Variants in FER observed in about 807,000 individuals in gnomAD.
FER encodes the protein FER tyrosine kinase.
In FER, 63 loss-of-function variants were observed where a neutral mutation model predicts 111.0. The ratio of observed to expected loss-of-function variants is 0.57; its 90% CI spans 0.46 to 0.70. The LOEUF (loss-of-function observed/expected upper bound fraction) is 0.70. Ranked by LOEUF, FER falls within the 30% of genes least tolerant of loss-of-function variation. The pLI, the probability that FER is intolerant of heterozygous loss-of-function variation, is 0.00. For missense variants in FER, 914 were observed against 954.0 expected (o/e 0.96, Z 0.55); for synonymous variants, 327 against 313.9 (o/e 1.04, Z -0.44).
chr5:108,824,808 C>T (rs1299493298), intron 3 of FER, among the ~76,000 whole-genome samples: 1 of 152,050 alleles, frequency 6.6e-6, no homozygotes, highest in Non-Finnish European at 1.5e-5. Flanking sequence ...GGGGGACCTG[C>T]CCCGATAATC....
intron 5 of FER, among the ~76,000 whole-genome samples, chr5:108,847,452 A>T (rs765637026): frequency 6.6e-6 from 1 of 152,098 alleles, no homozygotes; most frequent in South Asian, 2.1e-4. Flanking sequence ...TAAATGCTTT[A>T]TGTGCACTTG....
intron 12 of FER, among the ~76,000 whole-genome samples, chr5:108,959,007 G>T (rs1470088649): frequency 6.6e-6 from 1 of 151,780 alleles, no homozygotes; most frequent in Non-Finnish European, 1.5e-5. Context: ...TGATTTATCT[G>T]TCACAAGGTA....
chr5:108,825,786 C>G (rs1453342752), intron 3 of FER, among the ~76,000 whole-genome samples: 2 of 152,174 alleles, frequency 1.3e-5, no homozygotes, highest in African/African-American at 4.8e-5. Context: ...AATAAATGTC[C>G]ATAAAATCTT....
chr5:109,004,074 G>A (rs78132834), intron 13 of FER, among the ~76,000 whole-genome samples: 1,597 of 152,194 alleles, frequency 0.01, 24 homozygotes, highest in African/African-American at 0.036. Flanking sequence ...GCTAATAATG[G>A]TATGAGGAAG....
chr5:109,065,875 C>T (rs952292659), intron 16 of FER, among the ~76,000 whole-genome samples: 10 of 152,084 alleles, frequency 6.6e-5, no homozygotes, highest in Admixed American at 6.6e-4. Flanking sequence ...TGATTGAGAG[C>T]CTAATAAATG....
intron 9 of FER, among the ~76,000 whole-genome samples, chr5:108,893,257 G>A (rs188578096): frequency 3.4e-4 from 52 of 151,848 alleles, no homozygotes; most frequent in Middle Eastern, 3.4e-3. Context: ...ATTACTTTGG[G>A]CAGTATGGCC....
At chr5:109,040,054 G>A (rs1665919284) in intron 14 of FER, among the ~76,000 whole-genome samples, 1 of 152,244 alleles carries the variant, frequency 6.6e-6, no homozygotes, top group African/African-American at 2.4e-5. Context: ...GACTCTGTAT[G>A]TGGGGTATTA....
chr5:109,124,376 C>A (rs994586999), intron 17 of FER, among the ~76,000 whole-genome samples: 1 of 152,164 alleles, frequency 6.6e-6, no homozygotes, highest in African/African-American at 2.4e-5. Context: ...TGTGCTTAGA[C>A]TGTTGGTTCT....
chr5:109,054,767 G>A (rs72790595), intron 16 of FER, among the ~76,000 whole-genome samples: 3 of 152,288 alleles, frequency 2.0e-5, no homozygotes, highest in Admixed American at 1.3e-4. Context: ...TGTATATAGT[G>A]TGGGAAATGG....
chr5:108,767,931 G>T (rs988062102), intron 1 of FER, among the ~76,000 whole-genome samples, 162 bp from the exon 2 acceptor site: 1 of 152,178 alleles, frequency 6.6e-6, no homozygotes, highest in Non-Finnish European at 1.5e-5. Context: ...AGTAAGCAAT[G>T]GATAGATAAG....
rs1213281027 is a variant in FER at position 109,191,255 on chromosome 5, T to C, written c.*3680T>C. 1.3e-5 allele frequency: 2 copies of C among 152,162 alleles called. No homozygotes were observed. The highest frequency in any genetic ancestry group is 2.9e-5 in the Non-Finnish European group (2 of 68,016). 9.4% of individuals were successfully genotyped at this position (152,162 alleles called of 1,614,324 possible). A position where few individuals can be genotyped will look rare whatever the true frequency, so the allele number is the denominator to read the frequency against. On this transcript the variant is annotated 3_prime_UTR_variant, in exon 20 of 20. Coordinates refer to ENST00000281092, the MANE Select transcript of FER (RefSeq NM_005246.4). ...TCTTTCAGTCACACCACTTTATAATTAATTCTGGTGAGTCATCAGATGTAG... is the reference window on the plus strand; with the variant it reads ...TCTTTCAGTCACACCACTTTATAATCAATTCTGGTGAGTCATCAGATGTAG...
intron 2 of FER, among the ~76,000 whole-genome samples, chr5:108,785,884 C>G (rs1313504315): frequency 1.3e-5 from 2 of 152,212 alleles, no homozygotes; most frequent in Non-Finnish European, 2.9e-5. Flanking sequence ...TGTAGGGTTA[C>G]AAAGGAGTTT....
chr5:109,072,241 T>C (rs1206624338), intron 16 of FER, among the ~76,000 whole-genome samples: 1 of 151,660 alleles, frequency 6.6e-6, no homozygotes, highest in African/African-American at 2.4e-5. Context: ...AAAAAAAACC[T>C]CTTTCTATTC....
At chr5:108,871,214 C>A in intron 6 of FER, 151 bp from the exon 7 acceptor site, 1 of 516,156 alleles carries the variant, frequency 1.9e-6, no homozygotes, top group Non-Finnish European at 3.5e-6. Context: ...CTCTTCTTTA[C>A]TCTCCAGGTA....
intron 1 of FER, among the ~76,000 whole-genome samples, chr5:108,749,928 C>T (rs567970158): frequency 1.3e-3 from 200 of 152,302 alleles, no homozygotes; most frequent in African/African-American, 4.3e-3. Context: ...TGCGATTTTG[C>T]CATCCACTGT....
intron 17 of FER, among the ~76,000 whole-genome samples, chr5:109,129,693 A>T (rs965242383): frequency 1.3e-5 from 2 of 152,064 alleles, no homozygotes; most frequent in African/African-American, 4.8e-5. Context: ...ACATACTCTG[A>T]TATGCTCTAG....
chr5:109,068,329 G>A (rs541472701), intron 16 of FER, among the ~76,000 whole-genome samples: 89 of 152,080 alleles, frequency 5.9e-4, no homozygotes, highest in African/African-American at 2.0e-3. Context: ...GGCTATAGGC[G>A]CCCGCCTCCA....
At chr5:109,130,064 T>C (rs1752197207) in intron 17 of FER, among the ~76,000 whole-genome samples, 1 of 151,864 alleles carries the variant, frequency 6.6e-6, no homozygotes, top group Admixed American at 6.6e-5. Context: ...GCGTAGGTTT[T>C]TTTTTACATT....
intron 13 of FER, among the ~76,000 whole-genome samples, chr5:108,997,115 T>G (rs1454113053): frequency 6.6e-6 from 1 of 152,026 alleles, no homozygotes; most frequent in Non-Finnish European, 1.5e-5. Context: ...TTTTGTATCC[T>G]GAGACTTTGC....
Sources: gnomAD v4.1 joint callset for allele counts (sites outside exome capture counted in the v4.1 genomes callset) on GRCh38, gnomAD v4.1.1 for gene constraint, MANE v1.5 for transcripts, NCBI Gene and HGNC (gene_info 2026-07-23, HGNC 2026-07-21) for gene names.